Variants in RIMS3 observed in about 807,000 individuals in gnomAD.
RIMS3 encodes regulating synaptic membrane exocytosis protein 3.
RIMS3 carries 15 observed loss-of-function variants against 29.2 expected under a neutral mutation model. The observed-to-expected ratio is 0.51, with a 90% CI of 0.34 to 0.79. RIMS3 has a LOEUF of 0.79. Ranked by LOEUF, RIMS3 falls within the 30% of genes least tolerant of loss-of-function variation. The pLI is 0.01. For synonymous variants in RIMS3, 161 were observed against 170.1 expected, an observed-to-expected ratio of 0.95 and a Z score of 0.41; for missense variants, 342 against 421.4, an observed-to-expected ratio of 0.81 and a Z score of 1.65.
At chr1:40,657,616 A>C (rs1278990405) in intron 1 of RIMS3, among the ~76,000 whole-genome samples, 1 of 151,928 alleles carries the variant, frequency 6.6e-6, no homozygotes, top group African/African-American at 2.4e-5. Context: ...GCATGGTGGC[A>C]TGAGCCTGTG....
intron 2 of RIMS3, among the ~76,000 whole-genome samples, chr1:40,646,163 G>T (rs1009424120): frequency 6.6e-6 from 1 of 152,222 alleles, no homozygotes; most frequent in African/African-American, 2.4e-5. Flanking sequence ...CCTTTTGACT[G>T]GGAGAGTTGA....
intron 5 of RIMS3, among the ~76,000 whole-genome samples, chr1:40,629,689 A>C (rs1056825651): frequency 5.9e-5 from 9 of 152,116 alleles, no homozygotes; most frequent in Non-Finnish European, 1.2e-4. Flanking sequence ...GCAGAATAGC[A>C]AACTTGAGGA....
At chr1:40,667,713 C>T (rs896568423), upstream of RIMS3, among the ~76,000 whole-genome samples, 5 of 152,178 alleles carry the variant, frequency 3.3e-5, no homozygotes, top group Admixed American at 6.5e-5. Flanking sequence ...GATACTAAAA[C>T]ATACTATAAA....
chr1:40,678,969 G>C, the RIMS3 span, among the ~76,000 whole-genome samples: 2 of 152,256 alleles, frequency 1.3e-5, no homozygotes, highest in African/African-American at 4.8e-5. Context: ...GGGTAGACTA[G>C]AGATTAATAG....
chr1:40,660,102 C>T (rs1375678912), intron 1 of RIMS3, among the ~76,000 whole-genome samples: 9 of 152,138 alleles, frequency 5.9e-5, no homozygotes, highest in Admixed American at 4.6e-4. Context: ...AGAGGGTCCA[C>T]GGACTCAAGG....
At chr1:40,684,953 G>A in the RIMS3 span, among the ~76,000 whole-genome samples, 1 of 152,290 alleles carries the variant, frequency 6.6e-6, no homozygotes, top group East Asian at 1.9e-4. Context: ...TAGACTCCAT[G>A]TTTGTAACTT....
In RIMS3 at chr1:40,654,170, C is replaced by G. The variant is rs1642237367; in HGVS notation, c.-206-6328G>C. Among the ~76,000 whole-genome samples the G allele has an allele frequency of 6.6e-6, 1 of 151,726 alleles. No homozygotes were observed. The highest frequency in any genetic ancestry group is 6.6e-5 in the Admixed American group (1 of 15,242). ...TCCCCTTCCCGCCCCTCCCCCTCCCCGCCCCTCCCCCGCGCCGCTGACGAG... is the reference window on the plus strand; with the variant it reads ...TCCCCTTCCCGCCCCTCCCCCTCCCGGCCCCTCCCCCGCGCCGCTGACGAG... On this transcript the variant is annotated intron_variant, in intron 1 of 7. Transcript: ENST00000372684. This position sits in a 1 kb window ranked among gnomAD's most constrained non-coding sequence, Gnocchi z 5.3.
At chr1:40,651,558 G>A (rs1646632131) in intron 1 of RIMS3, among the ~76,000 whole-genome samples, 1 of 152,146 alleles carries the variant, frequency 6.6e-6, no homozygotes, top group Non-Finnish European at 1.5e-5. Context: ...TGAACACACT[G>A]CTGTTCCTAA....
In RIMS3 at chr1:40,620,830, C is replaced by G. The variant is rs1646416413; in HGVS notation, c.*5687G>C. The G allele has an allele frequency of 6.6e-6, 1 of 152,638 alleles. No individual in the cohort carries two copies. Among genetic ancestry groups the G allele is most frequent in the South Asian group, 2.1e-4 (1 of 4,830 alleles). The allele number at this position is 152,638 out of a possible 1,614,324, so 9.5% of individuals were successfully genotyped here. On this transcript the variant is annotated 3_prime_UTR_variant, in exon 8 of 8. Coordinates refer to ENST00000372684, the MANE Select transcript of RIMS3 (RefSeq NM_014747.3). ...CAGCTGTGCACCTGCCACCCGGGAA[C>G]CACAACAAGTTAGGAAAGATGCTGC...
chr1:40,685,284 TTA>T, the RIMS3 span, among the ~76,000 whole-genome samples: 3 of 53,128 alleles, frequency 5.6e-5, no homozygotes, highest in African/African-American at 3.4e-4. Context: ...ACATAATTTA[TTA>T]ATATATATAT....
intron 5 of RIMS3, among the ~76,000 whole-genome samples, chr1:40,630,066 G>A (rs1236933589): frequency 2.5e-5 from 2 of 80,998 alleles, no homozygotes; most frequent in Non-Finnish European, 5.0e-5. Flanking sequence ...GGAAGACTCC[G>A]TCTCAAAAAA....
chr1:40,628,704 G>T, intron 7 of RIMS3, 106 bp downstream of exon 7: 1 of 1,445,808 alleles, frequency 6.9e-7, no homozygotes, highest in Non-Finnish European at 9.7e-7. Flanking sequence ...GCAAATTAAT[G>T]CACCTACCAC....
In RIMS3 at chr1:40,635,860, C is replaced by G; in HGVS notation, c.359+56G>C. 1.3e-6 allele frequency: 2 copies of G among 1,595,444 alleles called. No individual in the cohort carries two copies. Among genetic ancestry groups the G allele is most frequent in the Non-Finnish European group, 1.7e-6 (2 of 1,169,070 alleles). On this transcript the variant is annotated intron_variant, in intron 4 of 7. Transcript: ENST00000372684. This position sits in a 1 kb window ranked among gnomAD's most constrained non-coding sequence, Gnocchi z 4.1. ...GGCTTTCCCACCCTGCCCAGTGGCT[C>G]TGTGACTGGAGGACCGAGGAGGAGG... is the stretch of plus-strand genomic sequence containing the variant.
the RIMS3 span, among the ~76,000 whole-genome samples, chr1:40,684,534 T>C: frequency 6.6e-6 from 1 of 152,232 alleles, no homozygotes; most frequent in Non-Finnish European, 1.5e-5. Context: ...AAGAAGGGAT[T>C]AAGTGCTAAA....
intron 1 of RIMS3, among the ~76,000 whole-genome samples, chr1:40,664,052 C>T (rs750388323): frequency 6.6e-6 from 1 of 152,182 alleles, no homozygotes; most frequent in African/African-American, 2.4e-5. Context: ...CCAAGTTTAA[C>T]CAACTCTGGG....
chr1:40,629,248 A>T, intron 6 of RIMS3, 23 bp downstream of exon 6: 1 of 1,594,388 alleles, frequency 6.3e-7, no homozygotes, highest in Non-Finnish European at 8.6e-7. Context: ...CCCTGTCAGG[A>T]CCCCATTTCC....
chr1:40,676,161 G>C, the RIMS3 span, among the ~76,000 whole-genome samples: 1 of 152,136 alleles, frequency 6.6e-6, no homozygotes, highest in Admixed American at 6.5e-5. Flanking sequence ...AAACTCCTTT[G>C]TACTTGAGCT....
chr1:40,645,003 G>T (rs1023845017), intron 2 of RIMS3, among the ~76,000 whole-genome samples: 5 of 152,218 alleles, frequency 3.3e-5, no homozygotes, highest in African/African-American at 1.2e-4. Context: ...GCTCCTGCCA[G>T]CCTGGCAAAG....
intron 1 of RIMS3, among the ~76,000 whole-genome samples, chr1:40,655,616 G>A (rs778582097): frequency 6.6e-6 from 1 of 152,212 alleles, no homozygotes; most frequent in Non-Finnish European, 1.5e-5. Context: ...AATTATCTAG[G>A]TCAACAGTGC....
Sources: allele counts gnomAD v4.1 joint callset (sites outside exome capture counted in the v4.1 genomes callset), GRCh38; gene constraint gnomAD v4.1.1; non-coding constraint Gnocchi (gnomAD v3.1); transcripts MANE v1.5; gene names NCBI Gene and HGNC (gene_info 2026-07-23, HGNC 2026-07-21).